The following PDZD2 variants were observed in gnomAD, a reference collection of about 807,000 sequenced individuals.
PDZD2 encodes PDZ domain containing 2.
PDZD2 carries 90 observed loss-of-function variants against 220.7 expected under a neutral mutation model. That is an observed-to-expected ratio of 0.41 (90% CI 0.34 to 0.49). PDZD2 has a LOEUF of 0.49. Ranked by LOEUF, PDZD2 falls within the 20% of genes least tolerant of loss-of-function variation. The probability of loss-of-function intolerance (pLI) is 0.28; values close to 1 mark genes in which losing one functional copy is unlikely to be tolerated. For missense variants in PDZD2, 3,174 were observed against 3,608.5 expected (o/e 0.88, Z 3.08); for synonymous variants, 1,375 against 1,450.5 (o/e 0.95, Z 1.18).
At chr5:32,077,387 CTA>C (rs1393678577) in intron 18 of PDZD2, 73 bp from the exon 19 acceptor site, 2 of 1,492,052 alleles carry the variant, frequency 1.3e-6, no homozygotes, top group Non-Finnish European at 1.9e-6. Context: ...GCTCTGCTCT[CTA>C]TATATGATCT....
intron 6 of PDZD2, among the ~76,000 whole-genome samples, chr5:32,021,163 C>A (rs1286519228): frequency 6.6e-6 from 1 of 151,768 alleles, no homozygotes; most frequent in Non-Finnish European, 1.5e-5. Context: ...CAGAAGTTCC[C>A]CTGTGGAATC....
At chr5:31,720,552 C>G in intron 1 of PDZD2, among the ~76,000 whole-genome samples, 1 of 152,168 alleles carries the variant, frequency 6.6e-6, no homozygotes, top group East Asian at 1.9e-4. Flanking sequence ...TTATGTGACA[C>G]GGGAGCCTTC....
At chr5:31,768,991 A>G (rs993263314) in intron 1 of PDZD2, among the ~76,000 whole-genome samples, 4 of 152,238 alleles carry the variant, frequency 2.6e-5, no homozygotes, top group Non-Finnish European at 5.9e-5. Context: ...CCCAGGTGTC[A>G]GTAAATTCGT....
intron 7 of PDZD2, among the ~76,000 whole-genome samples, chr5:32,044,578 TAATTC>T (rs1737745457): frequency 6.6e-6 from 1 of 152,146 alleles, no homozygotes; most frequent in South Asian, 2.1e-4. Flanking sequence ...GGAAAAAAAT[TAATTC>T]AATACGTTTT....
In PDZD2 at chr5:32,089,255, A is replaced by C; in HGVS notation, c.5807A>C (p.His1936Pro). ...TLSKAVSQRL[H>P]VADHEDPDRN... ...TCTAAGGCAGTGTCACAGCGGCTCC[A>C]TGTAGCCGACCACGAGGACCCTGAC... Residue 1936 changes from histidine to proline, a missense_variant, in exon 20 of 25, where the codon CAT (histidine) becomes CCT (proline). This residue lies in a region of PDZD2 where 1,861 missense variants were observed against 2,001.0 expected (regional missense o/e 0.93). Coordinates refer to ENST00000438447, the MANE Select transcript of PDZD2 (RefSeq NM_178140.4). 7 of 1,614,140 alleles carry C rather than the reference A, an allele frequency of 4.3e-6. No homozygotes were observed. The highest frequency in any genetic ancestry group is 5.9e-6 in the Non-Finnish European group (7 of 1,180,016).
chr5:32,079,837 C>G (rs1454367833), intron 19 of PDZD2, among the ~76,000 whole-genome samples: 1 of 151,604 alleles, frequency 6.6e-6, no homozygotes, highest in Non-Finnish European at 1.5e-5. Flanking sequence ...AAAGTGAAAC[C>G]CCAGAATATC....
At chr5:31,949,638 C>T (rs1746996764) in intron 2 of PDZD2, among the ~76,000 whole-genome samples, 1 of 150,742 alleles carries the variant, frequency 6.6e-6, no homozygotes, top group Non-Finnish European at 1.5e-5. Context: ...TCTTCAGCTG[C>T]TCATCGTAAG....
chr5:31,847,635 G>A, intron 2 of PDZD2: 1 of 621,726 alleles, frequency 1.6e-6, no homozygotes, highest in South Asian at 1.4e-5. Context: ...GCCAAGTGGT[G>A]GTGACTGGAG....
intron 2 of PDZD2, among the ~76,000 whole-genome samples, chr5:31,957,855 G>A (rs750906919): frequency 6.6e-5 from 10 of 152,094 alleles, no homozygotes; most frequent in Non-Finnish European, 8.8e-5. Flanking sequence ...TTGTTGTTCT[G>A]TCCAATGTAA....
rs1749237529 is a variant in PDZD2, at chr5:31,727,655, G to A, written c.-360-71234G>A. On this transcript the variant is annotated intron_variant, in intron 1 of 24. Coordinates refer to ENST00000438447, the MANE Select transcript of PDZD2 (RefSeq NM_178140.4). ...GCAGAGGTTGCAGTGAGCCGAGATCGTGCCATTGCACTCCAACCTGGGCAA... is the reference window on the plus strand; with the variant it reads ...GCAGAGGTTGCAGTGAGCCGAGATCATGCCATTGCACTCCAACCTGGGCAA... Among the ~76,000 whole-genome samples the A allele has an allele frequency of 3.5e-5, 5 of 144,678 alleles. No individual in the cohort carries two copies. In the Admixed American group the frequency reaches 3.6e-4, roughly 10 times the overall value. The allele number at this position is 144,678 out of a possible 152,430, so 94.9% of individuals were successfully genotyped here. A position where few individuals can be genotyped will look rare whatever the true frequency, so the allele number is the denominator to read the frequency against.
At chr5:31,841,902 T>G (rs972935993) in intron 2 of PDZD2, among the ~76,000 whole-genome samples, 3 of 149,372 alleles carry the variant, frequency 2.0e-5, no homozygotes, top group East Asian at 2.0e-4. Context: ...ACCTGGGAGG[T>G]GGAGGTTGCA....
intron 2 of PDZD2, among the ~76,000 whole-genome samples, chr5:31,839,756 G>A (rs1757156510): frequency 6.6e-6 from 1 of 152,188 alleles, no homozygotes; most frequent in African/African-American, 2.4e-5. Context: ...GAGTGGGAGG[G>A]ACCTGGTTGG....
chr5:31,968,822 CTG>C (rs769699672), intron 2 of PDZD2, among the ~76,000 whole-genome samples: 17 of 151,774 alleles, frequency 1.1e-4, no homozygotes, highest in Admixed American at 2.0e-4. Flanking sequence ...GCCTCCGGAA[CTG>C]TGAGAAATAA....
intron 2 of PDZD2, among the ~76,000 whole-genome samples, chr5:31,808,123 C>T (rs976247994): frequency 6.6e-6 from 1 of 152,084 alleles, no homozygotes; most frequent in African/African-American, 2.4e-5. Flanking sequence ...TAGCTTGATA[C>T]TGTAGTCTCT....
At chr5:32,085,756 T>C (rs960439139) in intron 19 of PDZD2, among the ~76,000 whole-genome samples, 2 of 152,182 alleles carry the variant, frequency 1.3e-5, no homozygotes, top group Non-Finnish European at 2.9e-5. Flanking sequence ...CCTGTTTTTG[T>C]TGTGTTGTTG....
chr5:32,071,058 A>G (rs1456965605), intron 15 of PDZD2, among the ~76,000 whole-genome samples: 1 of 152,248 alleles, frequency 6.6e-6, no homozygotes, highest in Non-Finnish European at 1.5e-5. Flanking sequence ...ACATCCACTC[A>G]TACATTATAT....
chr5:32,087,695 C>CG lies in PDZD2; in HGVS notation c.4247_4248insG (p.Gly1417ArgfsTer4), dbSNP rs768083621. 3 of 1,613,770 alleles carry CG rather than the reference C, an allele frequency of 1.9e-6. No individual in the cohort carries two copies. Among genetic ancestry groups the CG allele is most frequent in the South Asian group, 2.2e-5 (2 of 91,060 alleles). ...GGCCATGTCTCGGGGCACTGCTGCC[C>CG]AGGGGGGAGTAGAGAGAGCCCTGTG... On this transcript the variant is annotated frameshift_variant, in exon 20 of 25. Transcript: ENST00000438447. LOFTEE classifies it high-confidence loss of function. This position sits in a 1 kb window ranked among gnomAD's most constrained non-coding sequence, Gnocchi z 4.0.
At chr5:31,663,029 C>T (rs1745842816) in intron 1 of PDZD2, among the ~76,000 whole-genome samples, 1 of 152,216 alleles carries the variant, frequency 6.6e-6, no homozygotes, top group Non-Finnish European at 1.5e-5. Context: ...CACGGCACCA[C>T]CTCTCACATG....
chr5:31,691,627 GGTAGA>G (rs1747139571), intron 1 of PDZD2, among the ~76,000 whole-genome samples: 1 of 152,038 alleles, frequency 6.6e-6, no homozygotes, highest in Non-Finnish European at 1.5e-5. Context: ...CCTGCTGATT[GGTAGA>G]GCCCAGTGGT....
Sources: gnomAD v4.1 joint callset for allele counts (sites outside exome capture counted in the v4.1 genomes callset) on GRCh38, gnomAD v4.1.1 for gene constraint, gnomAD v4.1.1 regional missense constraint, Gnocchi (gnomAD v3.1) non-coding constraint, MANE v1.5 for transcripts, NCBI Gene and HGNC (gene_info 2026-07-23, HGNC 2026-07-21) for gene names.